WDR43: variants seen among roughly 807,000 people sequenced by gnomAD.
WDR43 encodes the protein WD repeat domain 43.
Under a neutral mutation model 91.4 loss-of-function variants are expected in WDR43, and 13 were observed. That is an observed-to-expected ratio of 0.14 (90% confidence interval 0.09 to 0.23). The LOEUF (loss-of-function observed/expected upper bound fraction) is 0.23. WDR43 is among the 10% of genes least tolerant of loss of function. WDR43 has a pLI of 1.00. For missense variants in WDR43, 780 were observed against 809.4 expected, an observed-to-expected ratio of 0.96 and a Z score of 0.44; for synonymous variants, 331 against 287.9, an observed-to-expected ratio of 1.15 and a Z score of -1.51.
Position 28,912,568 on chromosome 2 carries a change from T to C in WDR43, c.486-22T>C. 3 of 1,606,618 alleles carry C rather than the reference T, an allele frequency of 1.9e-6. No homozygotes were observed. In the South Asian group the frequency reaches 3.3e-5, roughly 18 times the overall value. On this transcript the variant is annotated intron_variant, in intron 3 of 17. Coordinates refer to ENST00000407426, the MANE Select transcript of WDR43 (RefSeq NM_015131.3). ...GTTTTCTCTCATGTATTGAGATGCT[T>C]TTTTTTCTCTTCACAATATAGCAAA... is the stretch of plus-strand genomic sequence containing the variant.
intron 14 of WDR43, among the ~76,000 whole-genome samples, chr2:28,940,442 C>G (rs1252317868): frequency 1.3e-5 from 2 of 152,016 alleles, no homozygotes; most frequent in African/African-American, 4.8e-5. Flanking sequence ...GTTGGTCAGG[C>G]TGGTCTTGAA....
rs568365903 is a variant in WDR43 at position 28,929,743 on chromosome 2, A to G, written c.1437+33A>G. 5.0e-6 allele frequency: 8 copies of G among 1,587,748 alleles called. No individual in the cohort carries two copies. In the African/African-American group the frequency reaches 5.4e-5, roughly 11 times the overall value. On this transcript the variant is annotated intron_variant, in intron 11 of 17. Transcript: ENST00000407426. ...TATAGCAATTTTTAACTAAATTAAC[A>G]TGGTTAATATTTCTTAGAAAATGAT... is the stretch of plus-strand genomic sequence containing the variant.
At chr2:28,942,817 A>G (rs951004287) in intron 16 of WDR43, among the ~76,000 whole-genome samples, 9 of 151,830 alleles carry the variant, frequency 5.9e-5, no homozygotes, top group African/African-American at 2.2e-4. Flanking sequence ...GAGTTTCACT[A>G]TGTTGCCCAG....
At chr2:28,904,652 T>C (rs1431164966) in intron 2 of WDR43, among the ~76,000 whole-genome samples, 3 of 152,266 alleles carry the variant, frequency 2.0e-5, no homozygotes, top group Non-Finnish European at 4.4e-5. Context: ...AACTGAATTC[T>C]TTCTGTGGAA....
chr2:28,926,139 T>A (rs1375305863), intron 8 of WDR43, among the ~76,000 whole-genome samples: 2 of 152,216 alleles, frequency 1.3e-5, no homozygotes, highest in African/African-American at 4.8e-5. Flanking sequence ...GATGATGAAC[T>A]GATACGTTTT....
In WDR43 at chr2:28,912,626, A is replaced by T; in HGVS notation, c.522A>T (p.Leu174=). 6.2e-7 allele frequency: 1 copy of T among 1,613,932 alleles called. No individual in the cohort carries two copies. Among genetic ancestry groups the T allele is most frequent in the South Asian group, 1.1e-5 (1 of 91,082 alleles). The part of the protein sequence containing the change: ...WKGDNSSVSS[L]CISPDGKMLL... ...GCGACAATAGCAGTGTCAGTTCCCT[A>T]TGTATCAGCCCAGATGGAAAGATGT... The change falls in exon 4 of 18, where the codon CTA becomes CTT. Residue 174 remains leucine (L), a synonymous_variant. Coordinates refer to ENST00000407426, the MANE Select transcript of WDR43 (RefSeq NM_015131.3).
At chr2:28,918,212 G>A in intron 6 of WDR43, among the ~76,000 whole-genome samples, 1 of 152,208 alleles carries the variant, frequency 6.6e-6, no homozygotes, top group South Asian at 2.1e-4. Flanking sequence ...GTAAATTCAG[G>A]AATTCATTAT....
At position 28,946,617 on chromosome 2, in the gene WDR43, TGAG is replaced by T. The variant is rs1671547685; in HGVS notation, c.1879_1881del (p.Glu627del). ...TCGACTAGGATAATTGGGATGAAGA[TGAG>T]GAGGAGAGTGAAAGTGAAAAAGATG... On this transcript the variant is annotated inframe_deletion, in exon 18 of 18. Transcript: ENST00000407426. 9 of 1,557,494 alleles carry T rather than the reference TGAG, an allele frequency of 5.8e-6. No individual in the cohort carries two copies. The highest frequency in any genetic ancestry group is 1.7e-4 in the Middle Eastern group (1 of 6,022).
At chr2:28,922,137 T>C (rs1227561386) in intron 6 of WDR43, among the ~76,000 whole-genome samples, 1 of 152,270 alleles carries the variant, frequency 6.6e-6, no homozygotes, top group East Asian at 1.9e-4. Context: ...TTTTCAAAGT[T>C]GTTTTTCACA....
In WDR43 at chr2:28,914,449, T is replaced by G. The variant is rs185328385; in HGVS notation, c.746+241T>G. On this transcript the variant is annotated intron_variant, in intron 5 of 17. Coordinates refer to ENST00000407426, the MANE Select transcript of WDR43 (RefSeq NM_015131.3). ...TACAGTGGACTGAACATTTCTGTGG[T>G]TGGGCAATTTAGAATATCTTTTAAA... Among the ~76,000 whole-genome samples the G allele has an allele frequency of 1.3e-3, 202 of 152,332 alleles. 1 individual carries two copies. Among genetic ancestry groups the G allele is most frequent in the Non-Finnish European group, 2.4e-3 (160 of 68,026 alleles).
Position 28,946,686 on chromosome 2 carries a change from T to C in WDR43, c.1941T>C (p.Asp647=). 6.4e-7 allele frequency: 1 copy of C among 1,572,336 alleles called. No individual in the cohort carries two copies. Among genetic ancestry groups the C allele is most frequent in the East Asian group, 2.3e-5 (1 of 42,836 alleles). Residue 647 remains aspartate, a synonymous_variant, in exon 18 of 18, where the codon GAT becomes GAC. Coordinates refer to ENST00000407426, the MANE Select transcript of WDR43 (RefSeq NM_015131.3). ...EEEDEDAEGK[D]EENGEDRDTA... is the part of the protein sequence containing the mutation. The stretch of plus-strand genomic sequence containing the variant: ...AAGATGAGGATGCCGAAGGAAAAGA[T>C]GAAGAAAATGGCGAGGACAGAGATA...
chr2:28,899,461 G>A (rs1349094016), intron 1 of WDR43, among the ~76,000 whole-genome samples: 1 of 152,130 alleles, frequency 6.6e-6, no homozygotes, highest in African/African-American at 2.4e-5. Context: ...AAAAGCAAAA[G>A]CAAAATAGGA....
At chr2:28,914,255 C>G in intron 5 of WDR43, 47 bp downstream of exon 5, 4 of 1,579,318 alleles carry the variant, frequency 2.5e-6, no homozygotes, top group Non-Finnish European at 3.4e-6. Context: ...AAGAATCTGT[C>G]AGAGCTTATG....
At chr2:28,946,377 G>A in intron 16 of WDR43, 73 bp from the exon 17 acceptor site, 1 of 1,406,096 alleles carries the variant, frequency 7.1e-7, no homozygotes, top group Non-Finnish European at 9.5e-7. Context: ...CAGGAATCTG[G>A]TTCTGCTTAA....
At chr2:28,935,747 CAAAAAAA>C (rs58846266) in intron 12 of WDR43, 140 bp downstream of exon 12, 6,627 of 240,700 alleles carry the variant, frequency 0.028, 4 homozygotes, top group Middle Eastern at 0.041. Context: ...GTACTTTAGA[CAAAAAAA>C]AAAAAAAAAA....
chr2:28,897,348 A>C (rs959370862), intron 1 of WDR43, among the ~76,000 whole-genome samples: 1 of 152,204 alleles, frequency 6.6e-6, no homozygotes, highest in Non-Finnish European at 1.5e-5. Flanking sequence ...CTTTTATTTT[A>C]CATCTTTGAG....
chr2:28,913,975 A>G, intron 4 of WDR43, 94 bp from the exon 5 acceptor site: 5 of 1,414,592 alleles, frequency 3.5e-6, no homozygotes, highest in Admixed American at 3.9e-5. Context: ...CCTTTCCGAT[A>G]TGTATCACAT....
rs1329140607 is a variant in WDR43, at chr2:28,938,886, G to A, written c.1620+892G>A. On this transcript the variant is annotated intron_variant, in intron 14 of 17. Transcript: ENST00000407426. ...TCCCAGCCTGTAGGAGGCTTGGGAG[G>A]TGACCTGGGAACACTGATGAGAGGC... 2.6e-5 allele frequency among the ~76,000 whole-genome samples: 4 copies of A among 152,180 alleles called. No homozygotes were observed. The East Asian group carries it at 5.8e-4, about 22-fold the overall frequency.
chr2:28,899,977 T>G (rs562621673), intron 1 of WDR43, among the ~76,000 whole-genome samples: 69 of 152,258 alleles, frequency 4.5e-4, no homozygotes, highest in African/African-American at 1.7e-3. Flanking sequence ...ATACAGAGAT[T>G]TGCAGATGCA....
Sources: gnomAD v4.1 joint callset for allele counts (sites outside exome capture counted in the v4.1 genomes callset) on GRCh38, gnomAD v4.1.1 for gene constraint, MANE v1.5 for transcripts, NCBI Gene and HGNC (gene_info 2026-07-23, HGNC 2026-07-21) for gene names.